The following KATNIP variants were observed in gnomAD, a reference collection of about 807,000 sequenced individuals.
KATNIP encodes the protein katanin interacting protein, also known as katanin-interacting protein.
Under a neutral mutation model 174.0 loss-of-function variants are expected in KATNIP, and 126 were observed. That is an observed-to-expected ratio of 0.72 (90% confidence interval 0.63 to 0.84). The LOEUF (loss-of-function observed/expected upper bound fraction) is 0.84. KATNIP is among the 40% of genes least tolerant of loss of function. The pLI, the probability that KATNIP is intolerant of heterozygous loss-of-function variation, is 0.00. For synonymous variants in KATNIP, 810 were observed against 835.7 expected, an observed-to-expected ratio of 0.97 and a Z score of 0.53; for missense variants, 1,958 against 2,109.7, an observed-to-expected ratio of 0.93 and a Z score of 1.41.
intron 12 of KATNIP, among the ~76,000 whole-genome samples, chr16:27,707,913 T>C (rs1226870670): frequency 6.6e-6 from 1 of 152,240 alleles, no homozygotes; most frequent in Non-Finnish European, 1.5e-5. Context: ...AGCCTCATTT[T>C]AACTTAATCA....
Position 27,778,912 on chromosome 16 carries a change from G to A in KATNIP, c.*283G>A. 2.5e-6 allele frequency: 1 copy of A among 399,972 alleles called. No homozygotes were observed. Among genetic ancestry groups the A allele is most frequent in the Non-Finnish European group, 4.4e-6 (1 of 224,738 alleles). The allele number at this position is 399,972 out of a possible 1,614,324, so 24.8% of individuals were successfully genotyped here. The stretch of plus-strand genomic sequence containing the variant: ...TCTGCTGTGAGACCCAGCAAAGCAG[G>A]GCCCATGACCACTAGGGCCTGGGCT... On this transcript the variant is annotated 3_prime_UTR_variant, in exon 28 of 28. Coordinates refer to ENST00000261588, the MANE Select transcript of KATNIP (RefSeq NM_015202.5).
chr16:27,641,147 A>AT lies in KATNIP; in HGVS notation c.409-7457_409-7456insT, dbSNP rs559935918. On this transcript the variant is annotated intron_variant, in intron 5 of 27. Coordinates refer to ENST00000261588, the MANE Select transcript of KATNIP (RefSeq NM_015202.5). ...AGTGAGGCTCTGTCTCAAAAAAAAA[A>AT]AAAAGGAGAGAGAGAGACCTGGGCT... 4.5e-4 allele frequency among the ~76,000 whole-genome samples: 69 copies of AT among 152,090 alleles called. 2 individuals carry two copies. The East Asian group carries it at 7.1e-3, about 16-fold the overall frequency.
chr16:27,686,446 T>C (rs948695175), intron 8 of KATNIP, among the ~76,000 whole-genome samples: 2 of 152,234 alleles, frequency 1.3e-5, no homozygotes, highest in Non-Finnish European at 2.9e-5. Flanking sequence ...CTGTTTTTTA[T>C]CCTTTCAGTT....
chr16:27,705,283 T>G (rs1485166926), intron 12 of KATNIP, among the ~76,000 whole-genome samples: 1 of 152,216 alleles, frequency 6.6e-6, no homozygotes, highest in Non-Finnish European at 1.5e-5. Flanking sequence ...CAAGCCATTC[T>G]TAGTATTATT....
intron 1 of KATNIP, among the ~76,000 whole-genome samples, chr16:27,552,550 AT>A (rs2089429680): frequency 6.9e-6 from 1 of 145,764 alleles, no homozygotes; most frequent in Non-Finnish European, 1.5e-5. Flanking sequence ...AATTTTTTTT[AT>A]TTTTAGTAGA....
intron 15 of KATNIP, among the ~76,000 whole-genome samples, chr16:27,746,578 C>G (rs914277900): frequency 1.3e-5 from 2 of 152,232 alleles, no homozygotes; most frequent in Non-Finnish European, 2.9e-5. Context: ...TTTCCACACA[C>G]CAGGAGCTGT....
rs1208816408 is a variant in KATNIP, at chr16:27,777,996, A to G, written c.4801+27A>G. On this transcript the variant is annotated intron_variant, in intron 27 of 27. Transcript: ENST00000261588. This position sits in a 1 kb window ranked among gnomAD's most constrained non-coding sequence, Gnocchi z 4.4. ...TCAGTGGCGTTTCTCTGCCCAGAGC[A>G]TTGTGCCTTGGGAGCTCGGTCTGAA... is the stretch of plus-strand genomic sequence containing the variant. The G allele has an allele frequency of 1.9e-6, 3 of 1,605,238 alleles. No homozygotes were observed. The highest frequency in any genetic ancestry group is 1.7e-4 in the Middle Eastern group (1 of 6,052).
intron 1 of KATNIP, among the ~76,000 whole-genome samples, chr16:27,560,724 C>T (rs1567436180): frequency 6.6e-6 from 1 of 152,220 alleles, no homozygotes; most frequent in Non-Finnish European, 1.5e-5. Flanking sequence ...GACCCCATAG[C>T]TAGTCAGGCA....
intron 21 of KATNIP, 58 bp from the exon 22 acceptor site, chr16:27,771,530 G>A: frequency 6.5e-7 from 1 of 1,548,250 alleles, no homozygotes; most frequent in Non-Finnish European, 8.9e-7. Flanking sequence ...GGGGGTAACT[G>A]GCTGGTGATT....
intron 2 of KATNIP, among the ~76,000 whole-genome samples, chr16:27,575,684 C>T (rs776408723): frequency 2.0e-5 from 3 of 152,180 alleles, no homozygotes; most frequent in Admixed American, 2.0e-4. Flanking sequence ...CTGCACTCAG[C>T]GTCGTGTGAG....
At chr16:27,719,650 G>A (rs548276863) in intron 13 of KATNIP, among the ~76,000 whole-genome samples, 1 of 151,498 alleles carries the variant, frequency 6.6e-6, no homozygotes, top group South Asian at 2.1e-4. Flanking sequence ...CAAAGTGCTG[G>A]GATTACAGGT....
At chr16:27,550,868 GA>G (rs1472142708) in intron 1 of KATNIP, among the ~76,000 whole-genome samples, 2 of 152,216 alleles carry the variant, frequency 1.3e-5, no homozygotes, top group Non-Finnish European at 2.9e-5. Flanking sequence ...TGGAGCTTGA[GA>G]TTTGGACCGG....
At chr16:27,754,323 T>G (rs1308554257) in intron 18 of KATNIP, 72 bp downstream of exon 18, 2 of 1,287,424 alleles carry the variant, frequency 1.6e-6, no homozygotes, top group Admixed American at 1.7e-5. Flanking sequence ...TGTGGCCACT[T>G]GGGACAGGGT....
At chr16:27,591,506 G>C (rs929033989) in intron 2 of KATNIP, among the ~76,000 whole-genome samples, 1 of 152,026 alleles carries the variant, frequency 6.6e-6, no homozygotes, top group African/African-American at 2.4e-5. Context: ...AATGAAAACT[G>C]GGTTCAAATA....
At chr16:27,570,525 C>G (rs2090249579) in intron 1 of KATNIP, among the ~76,000 whole-genome samples, 1 of 152,170 alleles carries the variant, frequency 6.6e-6, no homozygotes, top group Non-Finnish European at 1.5e-5. Flanking sequence ...GGAGATCGCA[C>G]CACTGCACTC....
rs2076659819 is a variant in KATNIP at position 27,637,098 on chromosome 16, G to T, written c.408+5936G>T. Among the ~76,000 whole-genome samples the T allele has an allele frequency of 6.6e-6, 1 of 152,206 alleles. No individual in the cohort carries two copies. Among genetic ancestry groups the T allele is most frequent in the Admixed American group, 6.5e-5 (1 of 15,288 alleles). Reference sequence around the variant, plus strand: ...GTAATTAATGAGGGCAATTAATGAGGATCAGTGGGGTCTGTGTTTGGAGAG... The same window carrying T: ...GTAATTAATGAGGGCAATTAATGAGTATCAGTGGGGTCTGTGTTTGGAGAG... On this transcript the variant is annotated intron_variant, in intron 5 of 27. Transcript: ENST00000261588. This position sits in a 1 kb window ranked among gnomAD's most constrained non-coding sequence, Gnocchi z 4.7.
At chr16:27,636,467 T>C (rs1219261616) in intron 5 of KATNIP, among the ~76,000 whole-genome samples, 2 of 152,232 alleles carry the variant, frequency 1.3e-5, no homozygotes, top group Admixed American at 6.5e-5. Context: ...GAGTAGGCTT[T>C]GGACTGCTCA....
intron 13 of KATNIP, among the ~76,000 whole-genome samples, chr16:27,713,028 G>A (rs577262091): frequency 3.3e-5 from 5 of 152,044 alleles, no homozygotes; most frequent in Middle Eastern, 3.4e-3. Context: ...GGCTAATCTC[G>A]ATCTCCTGGC....
At chr16:27,738,969 G>C (rs1323856966) in intron 14 of KATNIP, among the ~76,000 whole-genome samples, 1 of 151,900 alleles carries the variant, frequency 6.6e-6, no homozygotes, top group Non-Finnish European at 1.5e-5. Flanking sequence ...TTTGCGACAT[G>C]CATTTAAGCA....
Sources: allele counts gnomAD v4.1 joint callset (sites outside exome capture counted in the v4.1 genomes callset), GRCh38; gene constraint gnomAD v4.1.1; non-coding constraint Gnocchi (gnomAD v3.1); transcripts MANE v1.5; gene names NCBI Gene and HGNC (gene_info 2026-07-23, HGNC 2026-07-21).